Variants in MAP2K5 observed in about 807,000 individuals in gnomAD.
MAP2K5 encodes mitogen-activated protein kinase kinase 5.
A neutral mutation model predicts 83.1 loss-of-function variants in MAP2K5; 49 were observed. The observed-to-expected ratio is 0.59, with a 90% CI of 0.47 to 0.75. The LOEUF is 0.75. Among genes scored for constraint, MAP2K5 ranks in the 30% least tolerant of loss-of-function variants. The pLI is 0.00. For missense variants in MAP2K5, 457 were observed against 557.5 expected (o/e 0.82, Z 1.82); for synonymous variants, 202 against 191.8 (o/e 1.05, Z -0.44).
intron 8 of MAP2K5, among the ~76,000 whole-genome samples, chr15:67,607,846 A>G (rs1392562443): frequency 2.0e-5 from 3 of 152,008 alleles, no homozygotes; most frequent in Non-Finnish European, 4.4e-5. Context: ...CTTGATTACT[A>G]TGGGTAACAA....
chr15:67,581,818 A>C (rs1442820659), intron 4 of MAP2K5, among the ~76,000 whole-genome samples: 3 of 152,172 alleles, frequency 2.0e-5, no homozygotes, highest in African/African-American at 7.2e-5. Context: ...TCTGGGTTCA[A>C]GAATAATACT....
At position 67,722,350 on chromosome 15, in the gene MAP2K5, TC is replaced by T. The variant is rs1319258833; in HGVS notation, c.1045-5565del. Among the ~76,000 whole-genome samples the T allele has an allele frequency of 6.9e-6, 1 of 144,768 alleles. No individual in the cohort carries two copies. Among genetic ancestry groups the T allele is most frequent in the Non-Finnish European group, 1.5e-5 (1 of 67,064 alleles). The allele number at this position is 144,768 out of a possible 152,430, so 95.0% of individuals were successfully genotyped here. On this transcript the variant is annotated intron_variant, in intron 16 of 21. Coordinates refer to ENST00000178640, the MANE Select transcript of MAP2K5 (RefSeq NM_145160.3). This position sits in a 1 kb window ranked among gnomAD's most constrained non-coding sequence, Gnocchi z 4.2. ...GCAGAAGATTAAATTAATTTGTAAC[TC>T]TTTTTTTTTTTTTTTGGTCCTGCAT...
intron 21 of MAP2K5, among the ~76,000 whole-genome samples, chr15:67,800,238 T>G (rs1277172457): frequency 6.6e-6 from 1 of 152,242 alleles, no homozygotes; most frequent in East Asian, 1.9e-4. Flanking sequence ...ATTGGTAGCT[T>G]TAAAACTTTA....
rs931305533 is a variant in MAP2K5 at position 67,640,109 on chromosome 15, T to C, written c.586-6122T>C. ...CTCTGTAAGTGGGGAACAGATCTTA[T>C]TTATCTTCTTGCCTTACTCCGTGAT... On this transcript the variant is annotated intron_variant, in intron 9 of 21. Coordinates refer to ENST00000178640, the MANE Select transcript of MAP2K5 (RefSeq NM_145160.3). This position sits in a 1 kb window ranked among gnomAD's most constrained non-coding sequence, Gnocchi z 4.6. Among the ~76,000 whole-genome samples the C allele has an allele frequency of 6.6e-6, 1 of 152,216 alleles. No individual in the cohort carries two copies. The highest frequency in any genetic ancestry group is 2.4e-5 in the African/African-American group (1 of 41,470).
chr15:67,594,928 T>C (rs1264002984), intron 7 of MAP2K5, among the ~76,000 whole-genome samples: 1 of 152,160 alleles, frequency 6.6e-6, no homozygotes, highest in Non-Finnish European at 1.5e-5. Flanking sequence ...TGCAGTGAGG[T>C]ACTGTGCACA....
intron 17 of MAP2K5, among the ~76,000 whole-genome samples, chr15:67,734,150 AATTT>A (rs2089287605): frequency 6.6e-6 from 1 of 152,166 alleles, no homozygotes; most frequent in South Asian, 2.1e-4. Context: ...AAAACCGATT[AATTT>A]ATTTGCTGCA....
Position 67,545,381 on chromosome 15 carries a change from G to C in MAP2K5, c.135+1911G>C, listed in dbSNP as rs2589987. 7.5e-3 allele frequency among the ~76,000 whole-genome samples: 1,139 copies of C among 152,290 alleles called. 12 individuals carry two copies. The highest frequency in any genetic ancestry group is 0.024 in the African/African-American group (1,008 of 41,546). On this transcript the variant is annotated intron_variant, in intron 1 of 21. Transcript: ENST00000178640. ...CTTAAAAGAGGATGCATGCAATTAT[G>C]GTTCTGTGGACAGAACACTAGGTTT... is the stretch of plus-strand genomic sequence containing the variant.
intron 13 of MAP2K5, among the ~76,000 whole-genome samples, chr15:67,682,459 A>G (rs1426438620): frequency 1.3e-5 from 2 of 151,602 alleles, no homozygotes; most frequent in Admixed American, 1.3e-4. Flanking sequence ...TCCTGATCTC[A>G]TGTTTCACCC....
chr15:67,734,237 C>G lies in MAP2K5; in HGVS notation c.1074+6292C>G, dbSNP rs773480781. Among the ~76,000 whole-genome samples, 109 of 152,188 alleles carry G rather than the reference C, an allele frequency of 7.2e-4. 1 individual carries two copies. The highest frequency in any genetic ancestry group is 1.4e-3 in the Non-Finnish European group (92 of 68,036). On this transcript the variant is annotated intron_variant, in intron 17 of 21. Transcript: ENST00000178640. ...TTTCTGATCCTTGTATTAACATGAT[C>G]TAAGGTCCTTTTTATTATATGCAAT...
intron 17 of MAP2K5, among the ~76,000 whole-genome samples, chr15:67,732,856 C>T (rs937532612): frequency 6.6e-6 from 1 of 152,112 alleles, no homozygotes; most frequent in Admixed American, 6.5e-5. Context: ...AGGCTTTTCA[C>T]TGGCATGGGA....
Position 67,584,845 on chromosome 15 carries a change from C to T in MAP2K5, c.323-1045C>T, listed in dbSNP as rs1175819250. 4.6e-5 allele frequency among the ~76,000 whole-genome samples: 7 copies of T among 151,204 alleles called. 1 individual carries two copies. Among genetic ancestry groups the T allele is most frequent in the Admixed American group, 1.3e-4 (2 of 15,202 alleles). On this transcript the variant is annotated intron_variant, in intron 4 of 21. Transcript: ENST00000178640. ...CCGAGTAGCTGGGACTACAGGCGCC[C>T]GCCACCATGCCCAGCTAATTTTTTG...
chr15:67,559,381 A>T lies in MAP2K5; in HGVS notation c.185-3902A>T, dbSNP rs2084689638. On this transcript the variant is annotated intron_variant, in intron 2 of 21. Transcript: ENST00000178640. The surrounding 1 kb of genome is among the most constrained non-coding windows in gnomAD (Gnocchi z 4.7). The stretch of plus-strand genomic sequence containing the variant: ...GCTGTTTATCTGCTGTTTACTCAGT[A>T]GGCCATTGTGACCGCCCCTTACCTG... Among the ~76,000 whole-genome samples, 1 of 152,158 alleles carries T rather than the reference A, an allele frequency of 6.6e-6. No homozygotes were observed. Among genetic ancestry groups the T allele is most frequent in the Non-Finnish European group, 1.5e-5 (1 of 68,022 alleles).
chr15:67,622,691 A>G (rs2086214877), intron 8 of MAP2K5, among the ~76,000 whole-genome samples: 1 of 152,226 alleles, frequency 6.6e-6, no homozygotes, highest in African/African-American at 2.4e-5. Context: ...CTCACTGCCC[A>G]GTACTGGGGA....
Position 67,543,349 on chromosome 15 carries a change from C to T in MAP2K5, c.14C>T (p.Ala5Val). Residue 5 changes from alanine to valine, a missense_variant, in exon 1 of 22, where the codon GCC becomes GTC. Physicochemically the swap from Ala to Val is moderately conservative, Grantham distance 64. Around this residue, in one of 3 missense-constraint regions of MAP2K5, gnomAD observed 234 missense variants for 243.6 expected, o/e 0.96. Coordinates refer to ENST00000178640, the MANE Select transcript of MAP2K5 (RefSeq NM_145160.3). This position sits in a 1 kb window ranked among gnomAD's most constrained non-coding sequence, Gnocchi z 4.3. Reference sequence around the variant, plus strand: ...CTTTAACCTGTAATGCTGTGGCTAGCCCTTGGCCCCTTTCCTGCCATGGAG... The same window carrying T: ...CTTTAACCTGTAATGCTGTGGCTAGTCCTTGGCCCCTTTCCTGCCATGGAG... MLWL[A>V]LGPFPAMENQ... The T allele has an allele frequency of 6.2e-7, 1 of 1,614,224 alleles. No individual in the cohort carries two copies. Among genetic ancestry groups the T allele is most frequent in the Non-Finnish European group, 8.5e-7 (1 of 1,180,038 alleles).
At chr15:67,650,905 G>C (rs1296874165) in intron 11 of MAP2K5, among the ~76,000 whole-genome samples, 5 of 152,168 alleles carry the variant, frequency 3.3e-5, no homozygotes. Flanking sequence ...AAGGATTCAT[G>C]TTAATTCTTT....
intron 3 of MAP2K5, among the ~76,000 whole-genome samples, chr15:67,568,557 C>T (rs182403672): frequency 2.0e-5 from 3 of 152,298 alleles, no homozygotes; most frequent in Non-Finnish European, 2.9e-5. Flanking sequence ...GATACAGACT[C>T]TCAGTCTCTT....
chr15:67,589,255 TC>T (rs1410546407), intron 6 of MAP2K5, among the ~76,000 whole-genome samples: 2 of 152,166 alleles, frequency 1.3e-5, no homozygotes, highest in Non-Finnish European at 2.9e-5. Context: ...TACAATTTTT[TC>T]TTTTTTTTTT....
chr15:67,797,649 C>T (rs11635286), intron 21 of MAP2K5, among the ~76,000 whole-genome samples: 21,079 of 152,012 alleles, frequency 0.14, 1,501 homozygotes, highest in East Asian at 0.16. Flanking sequence ...TTGGAAATCA[C>T]TGGTTTTTTT....
chr15:67,548,410 T>G (rs747962377), intron 1 of MAP2K5, among the ~76,000 whole-genome samples: 16 of 152,236 alleles, frequency 1.1e-4, no homozygotes, highest in Admixed American at 2.0e-4. Flanking sequence ...ATTTCAAAGT[T>G]TATTACGAAG....
Sources: gnomAD v4.1 joint callset for allele counts (sites outside exome capture counted in the v4.1 genomes callset) on GRCh38, gnomAD v4.1.1 for gene constraint, gnomAD v4.1.1 regional missense constraint, Gnocchi (gnomAD v3.1) non-coding constraint, MANE v1.5 for transcripts, NCBI Gene and HGNC (gene_info 2026-07-23, HGNC 2026-07-21) for gene names.